Variants in CALCOCO2 observed in about 807,000 individuals in gnomAD.
CALCOCO2 encodes calcium-binding and coiled-coil domain-containing protein 2.
In CALCOCO2, 42 loss-of-function variants were observed where a neutral mutation model predicts 62.5. The observed-to-expected ratio is 0.67, with a 90% CI of 0.53 to 0.87. CALCOCO2 has a LOEUF of 0.87. Ranked by LOEUF, CALCOCO2 falls within the 40% of genes least tolerant of loss-of-function variation. CALCOCO2 has a pLI of 0.00. For missense variants in CALCOCO2, 456 were observed against 515.0 expected (o/e 0.89, Z 1.11); for synonymous variants, 167 against 173.0 (o/e 0.97, Z 0.27).
At position 48,863,983 on chromosome 17, in the gene CALCOCO2, G is replaced by A. The variant is rs1364467291; in HGVS notation, c.*978G>A. 6.6e-6 allele frequency: 1 copy of A among 151,774 alleles called. No homozygotes were observed. The highest frequency in any genetic ancestry group is 1.5e-5 in the Non-Finnish European group (1 of 68,004). The allele number at this position is 151,774 out of a possible 1,614,324, so 9.4% of individuals were successfully genotyped here. A position where few individuals can be genotyped will look rare whatever the true frequency, so the allele number is the denominator to read the frequency against. ...CTGTCTTAAGATTAAATAAAAAAGA[G>A]TGTCCTGGCAGTTATCTTGAGGTGG... On this transcript the variant is annotated 3_prime_UTR_variant, in exon 13 of 13. Coordinates refer to ENST00000258947, the MANE Select transcript of CALCOCO2 (RefSeq NM_005831.5).
intron 1 of CALCOCO2, among the ~76,000 whole-genome samples, chr17:48,839,833 G>A (rs531881009): frequency 1.3e-4 from 19 of 151,572 alleles, no homozygotes; most frequent in Non-Finnish European, 2.2e-4. Context: ...GTGCCACCAC[G>A]CCCAGCTAAT....
chr17:48,852,495 T>G lies in CALCOCO2; in HGVS notation c.703-11T>G, dbSNP rs530521249. ...TTTATATCTTGGTTATGTTCACTAT[T>G]TTTGTTTTAGGCCCAGCTGTCAACT... is the stretch of plus-strand genomic sequence containing the variant. On this transcript the variant is annotated splice_polypyrimidine_tract_variant and intron_variant, in intron 7 of 12. Coordinates refer to ENST00000258947, the MANE Select transcript of CALCOCO2 (RefSeq NM_005831.5). 1.2e-6 allele frequency: 2 copies of G among 1,610,008 alleles called. No individual in the cohort carries two copies. The highest frequency in any genetic ancestry group is 1.3e-5 in the African/African-American group (1 of 74,644).
chr17:48,854,081 G>A (rs1226855770), intron 9 of CALCOCO2, among the ~76,000 whole-genome samples: 4 of 151,560 alleles, frequency 2.6e-5, no homozygotes, highest in Non-Finnish European at 5.9e-5. Flanking sequence ...TTTGGGAGGC[G>A]GAGGCAGGTG....
intron 2 of CALCOCO2, 163 bp downstream of exon 2, chr17:48,842,050 G>A (rs1244201752): frequency 9.7e-6 from 4 of 412,322 alleles, no homozygotes; most frequent in African/African-American, 6.2e-5. Flanking sequence ...ACATTAATGT[G>A]TGCTGTGGGA....
At chr17:48,852,785 G>C in intron 8 of CALCOCO2, 141 bp from the exon 9 acceptor site, 1 of 974,360 alleles carries the variant, frequency 1.0e-6, no homozygotes, top group Non-Finnish European at 1.6e-6. Flanking sequence ...ATAGCTCATG[G>C]CTTTCTTCAG....
At chr17:48,833,008 A>T (rs1183784881) in intron 1 of CALCOCO2, among the ~76,000 whole-genome samples, 1 of 152,150 alleles carries the variant, frequency 6.6e-6, no homozygotes, top group Non-Finnish European at 1.5e-5. Flanking sequence ...ACTCTGAAAC[A>T]TTTTCATATT....
chr17:48,832,569 G>T (rs910252025), intron 1 of CALCOCO2, among the ~76,000 whole-genome samples: 2 of 152,142 alleles, frequency 1.3e-5, no homozygotes, highest in African/African-American at 2.4e-5. Flanking sequence ...CCTTAGCCAT[G>T]CATTTTGCTG....
intron 1 of CALCOCO2, among the ~76,000 whole-genome samples, chr17:48,837,267 A>C (rs2039906673): frequency 6.6e-6 from 1 of 152,204 alleles, no homozygotes; most frequent in Non-Finnish European, 1.5e-5. Context: ...CATCCAAGAG[A>C]AACCCTCATT....
chr17:48,842,090 A>G (rs1244513335), intron 2 of CALCOCO2: 11 of 379,702 alleles, frequency 2.9e-5, no homozygotes, highest in Non-Finnish European at 5.2e-5. Flanking sequence ...GTCAAGCTAA[A>G]ATAAGATGGC....
At chr17:48,862,536 G>C (rs1223613186) in intron 12 of CALCOCO2, among the ~76,000 whole-genome samples, 1 of 152,208 alleles carries the variant, frequency 6.6e-6, no homozygotes, top group African/African-American at 2.4e-5. Flanking sequence ...TTATTTGGTA[G>C]CATAAGTAGG....
rs147703732 is a variant in CALCOCO2 at position 48,846,649 on chromosome 17, C to T, written c.181-1415C>T. On this transcript the variant is annotated intron_variant, in intron 2 of 12. Transcript: ENST00000258947. ...ATAAAATTCCTGCTTCCTGTACCAC[C>T]GCAGGCTGCAGTGGCTCTGAGATGC... 829 of 608,526 alleles carry T rather than the reference C, an allele frequency of 1.4e-3. 1 individual carries two copies. Among genetic ancestry groups the T allele is most frequent in the Non-Finnish European group, 1.7e-3 (567 of 341,964 alleles). The allele number at this position is 608,526 out of a possible 1,614,324, so 37.7% of individuals were successfully genotyped here.
At position 48,851,329 on chromosome 17, in the gene CALCOCO2, T is replaced by C. The variant is rs1598037908; in HGVS notation, c.632+152T>C. Reference sequence around the variant, plus strand: ...ACCCTTTGAATCATGAATTAGAAAATTGGTATCAGAATAGTCAGGAAAAAT... The same window carrying C: ...ACCCTTTGAATCATGAATTAGAAAACTGGTATCAGAATAGTCAGGAAAAAT... On this transcript the variant is annotated intron_variant, in intron 6 of 12. Transcript: ENST00000258947. The C allele has an allele frequency of 1.1e-5, 7 of 641,122 alleles. No homozygotes were observed. In the Admixed American group the frequency reaches 1.9e-4, roughly 18 times the overall value. The allele number at this position is 641,122 out of a possible 1,614,324, so 39.7% of individuals were successfully genotyped here. A position where few individuals can be genotyped will look rare whatever the true frequency, so the allele number is the denominator to read the frequency against.
At position 48,849,244 on chromosome 17, in the gene CALCOCO2, T is replaced by A; in HGVS notation, c.418-8T>A. The A allele has an allele frequency of 6.2e-7, 1 of 1,613,504 alleles. No homozygotes were observed. The highest frequency in any genetic ancestry group is 8.5e-7 in the Non-Finnish European group (1 of 1,179,560). On this transcript the variant is annotated splice_region_variant and splice_polypyrimidine_tract_variant and intron_variant, in intron 4 of 12. Transcript: ENST00000258947. ...TTGGAATATAGTTTATGGAATGTTC[T>A]TTTGTAGGGAGAGGTGGAAGAGATT...
At chr17:48,844,992 C>G (rs1228789251) in intron 2 of CALCOCO2, among the ~76,000 whole-genome samples, 1 of 151,930 alleles carries the variant, frequency 6.6e-6, no homozygotes, top group Non-Finnish European at 1.5e-5. Flanking sequence ...AAAAATTAGC[C>G]AGGCGTGGTG....
At chr17:48,837,354 A>G (rs983343492) in intron 1 of CALCOCO2, among the ~76,000 whole-genome samples, 2 of 149,350 alleles carry the variant, frequency 1.3e-5, no homozygotes, top group Non-Finnish European at 3.0e-5. Flanking sequence ...CCGTTGAAAA[A>G]CTCTTTTGAG....
In CALCOCO2 at chr17:48,863,110, G is replaced by C. The variant is rs2040351427; in HGVS notation, c.*105G>C. 1 of 877,822 alleles carries C rather than the reference G, an allele frequency of 1.1e-6. No individual in the cohort carries two copies. The highest frequency in any genetic ancestry group is 1.9e-6 in the Non-Finnish European group (1 of 525,252). 54.4% of individuals were successfully genotyped at this position (877,822 alleles called of 1,614,324 possible). A position where few individuals can be genotyped will look rare whatever the true frequency, so the allele number is the denominator to read the frequency against. ...ATCCTGCCTAACCTGAAATTATTAG[G>C]GATTTACTCAGCCCTGCTGCCGCTA... On this transcript the variant is annotated 3_prime_UTR_variant, in exon 13 of 13. Transcript: ENST00000258947.
At chr17:48,861,677 A>ATATATATATATAT (rs1555574331) in intron 11 of CALCOCO2, among the ~76,000 whole-genome samples, 6 of 117,454 alleles carry the variant, frequency 5.1e-5, no homozygotes, top group African/African-American at 8.3e-5. Context: ...ATATATATAT[A>ATATATATATATAT]AAGCCTGTGT....
At chr17:48,838,342 C>G (rs1484921908) in intron 1 of CALCOCO2, among the ~76,000 whole-genome samples, 2 of 151,966 alleles carry the variant, frequency 1.3e-5, no homozygotes, top group African/African-American at 4.8e-5. Context: ...GGGTGTGGCG[C>G]CGGGCTGTCT....
intron 1 of CALCOCO2, among the ~76,000 whole-genome samples, chr17:48,835,689 G>A (rs900702132): frequency 3.3e-5 from 5 of 151,682 alleles, no homozygotes; most frequent in Non-Finnish European, 7.4e-5. Context: ...TTTCTTAAGC[G>A]TTCTGCTTAT....
Sources: gnomAD v4.1 joint callset for allele counts (sites outside exome capture counted in the v4.1 genomes callset) on GRCh38, gnomAD v4.1.1 for gene constraint, MANE v1.5 for transcripts, NCBI Gene and HGNC (gene_info 2026-07-23, HGNC 2026-07-21) for gene names.